ZNF407: variants seen among roughly 807,000 people sequenced by gnomAD.
ZNF407 encodes zinc finger protein 407.
A neutral mutation model predicts 131.2 loss-of-function variants in ZNF407; 17 were observed. The observed-to-expected ratio is 0.13, with a 90% CI of 0.09 to 0.19. The LOEUF is 0.19. Among genes scored for constraint, ZNF407 ranks in the 10% least tolerant of loss-of-function variants. The pLI, the probability that ZNF407 is intolerant of heterozygous loss-of-function variation, is 1.00. For synonymous variants in ZNF407, 1,156 were observed against 1,062.0 expected, an observed-to-expected ratio of 1.09 and a Z score of -1.72; for missense variants, 2,681 against 2,830.6, an observed-to-expected ratio of 0.95 and a Z score of 1.20.
At chr18:75,033,459 C>A (rs1157949199) in intron 8 of ZNF407, among the ~76,000 whole-genome samples, 1 of 152,028 alleles carries the variant, frequency 6.6e-6, no homozygotes. Flanking sequence ...GAATTTGTAC[C>A]CTTTAGTACA....
chr18:74,956,172 A>G (rs551635773), intron 8 of ZNF407, among the ~76,000 whole-genome samples: 13 of 152,274 alleles, frequency 8.5e-5, no homozygotes, highest in South Asian at 2.1e-4. Flanking sequence ...ATAGACGTTC[A>G]TTGTTTATCA....
At chr18:74,708,423 G>A (rs1967677811) in intron 3 of ZNF407, among the ~76,000 whole-genome samples, 1 of 152,140 alleles carries the variant, frequency 6.6e-6, no homozygotes, top group Non-Finnish European at 1.5e-5. Flanking sequence ...TTTCTTCATA[G>A]TTCCTTGTAT....
chr18:74,601,482 G>A (rs10454726), intron 1 of ZNF407, among the ~76,000 whole-genome samples: 4,329 of 152,200 alleles, frequency 0.028, 102 homozygotes, highest in Non-Finnish European at 0.041. Flanking sequence ...AAAATGGAGA[G>A]ATAGCCAAGG....
intron 8 of ZNF407, among the ~76,000 whole-genome samples, chr18:75,037,968 G>T (rs1292799522): frequency 6.6e-6 from 1 of 151,924 alleles, no homozygotes; most frequent in Non-Finnish European, 1.5e-5. Flanking sequence ...TGATTTTTTT[G>T]AGATTAATAA....
At chr18:74,927,358 T>TA (rs1369553668) in intron 8 of ZNF407, among the ~76,000 whole-genome samples, 9 of 152,216 alleles carry the variant, frequency 5.9e-5, no homozygotes, top group Non-Finnish European at 1.2e-4. Context: ...GTGGAAGCCT[T>TA]AAAAATTTAG....
intron 4 of ZNF407, among the ~76,000 whole-genome samples, chr18:74,820,258 G>A (rs1322000119): frequency 6.6e-6 from 1 of 152,200 alleles, no homozygotes; most frequent in Non-Finnish European, 1.5e-5. Context: ...TGTCCCAGGA[G>A]CTTGGAGCAG....
At chr18:74,759,043 G>C (rs1477651298) in intron 3 of ZNF407, among the ~76,000 whole-genome samples, 1 of 151,868 alleles carries the variant, frequency 6.6e-6, no homozygotes, top group Non-Finnish European at 1.5e-5. Flanking sequence ...GGTGTTTTTT[G>C]TTTTTTCTTT....
chr18:74,977,636 C>A (rs542585146), intron 8 of ZNF407, among the ~76,000 whole-genome samples: 2 of 152,338 alleles, frequency 1.3e-5, no homozygotes, highest in African/African-American at 4.8e-5. Flanking sequence ...TCTTGGCAGG[C>A]TCCACAGAAG....
chr18:74,624,392 A>C (rs1038460693), intron 1 of ZNF407, among the ~76,000 whole-genome samples: 2 of 152,152 alleles, frequency 1.3e-5, no homozygotes, highest in African/African-American at 4.8e-5. Flanking sequence ...CTTTTACATC[A>C]GCATAAACTT....
intron 7 of ZNF407, among the ~76,000 whole-genome samples, chr18:74,909,044 A>T (rs1971633644): frequency 5.3e-5 from 1 of 19,040 alleles, no homozygotes; most frequent in Non-Finnish European, 1.6e-4. Flanking sequence ...TTTCAACCAA[A>T]GTTTTATATA....
chr18:74,924,961 C>T (rs1339942338), intron 8 of ZNF407, among the ~76,000 whole-genome samples: 1 of 152,174 alleles, frequency 6.6e-6, no homozygotes, highest in Non-Finnish European at 1.5e-5. Flanking sequence ...ATGAGCAGTG[C>T]ATCAAAGCTA....
chr18:74,905,993 A>G (rs1354301403), intron 7 of ZNF407: 1 of 152,674 alleles, frequency 6.5e-6, no homozygotes, highest in African/African-American at 2.4e-5. Context: ...TGGTGCCATT[A>G]TTTTTAAATA....
chr18:74,612,162 C>CT (rs1983088910), intron 1 of ZNF407, among the ~76,000 whole-genome samples: 1 of 151,926 alleles, frequency 6.6e-6, no homozygotes, highest in African/African-American at 2.4e-5. Context: ...AGTTTTTTCC[C>CT]TTTTTTTAAA....
chr18:74,964,305 A>G (rs565158088), intron 8 of ZNF407, among the ~76,000 whole-genome samples: 2 of 152,346 alleles, frequency 1.3e-5, no homozygotes, highest in South Asian at 2.1e-4. Flanking sequence ...CACTGTACCC[A>G]TATGCACATG....
chr18:74,687,071 G>T (rs1329137120), intron 3 of ZNF407, among the ~76,000 whole-genome samples: 5 of 152,186 alleles, frequency 3.3e-5, no homozygotes, highest in Non-Finnish European at 7.3e-5. Flanking sequence ...AAATATGGCT[G>T]GTGTGGTGGC....
At chr18:74,891,954 A>G (rs1237128326) in intron 7 of ZNF407, among the ~76,000 whole-genome samples, 2 of 152,090 alleles carry the variant, frequency 1.3e-5, no homozygotes, top group African/African-American at 2.4e-5. Flanking sequence ...TTCCATGTCA[A>G]TAATTATTCT....
chr18:74,820,720 A>G (rs1450912241), intron 4 of ZNF407, among the ~76,000 whole-genome samples: 1 of 152,164 alleles, frequency 6.6e-6, no homozygotes, highest in African/African-American at 2.4e-5. Flanking sequence ...AGTGCATCTG[A>G]TCTCAGAGCC....
At chr18:74,734,558 A>G (rs1293752388) in intron 3 of ZNF407, among the ~76,000 whole-genome samples, 1 of 152,130 alleles carries the variant, frequency 6.6e-6, no homozygotes, top group African/African-American at 2.4e-5. Context: ...CTGTAATGCC[A>G]TTGCCTTTAA....
intron 3 of ZNF407, among the ~76,000 whole-genome samples, chr18:74,709,460 G>A (rs151119221): frequency 1.8e-4 from 27 of 152,278 alleles, no homozygotes; most frequent in African/African-American, 6.5e-4. Context: ...AAGTAATTTT[G>A]TAGTTACATG....
Sources: allele counts gnomAD v4.1 joint callset (sites outside exome capture counted in the v4.1 genomes callset), GRCh38; gene constraint gnomAD v4.1.1; transcripts MANE v1.5; gene names NCBI Gene and HGNC (gene_info 2026-07-23, HGNC 2026-07-21).